NUP43: variants seen among roughly 807,000 people sequenced by gnomAD.
NUP43 encodes the protein nucleoporin Nup43.
Under a neutral mutation model 47.3 loss-of-function variants are expected in NUP43, and 32 were observed. That is an observed-to-expected ratio of 0.68 (90% CI 0.51 to 0.91). The LOEUF (loss-of-function observed/expected upper bound fraction) is 0.91. Ranked by LOEUF, NUP43 falls within the 40% of genes least tolerant of loss-of-function variation. The probability of loss-of-function intolerance (pLI) is 0.00; values close to 1 mark genes in which losing one functional copy is unlikely to be tolerated. For missense variants in NUP43, 444 were observed against 453.9 expected (o/e 0.98, Z 0.20); for synonymous variants, 147 against 158.4 (o/e 0.93, Z 0.54).
intron 4 of NUP43, among the ~76,000 whole-genome samples, chr6:149,740,822 A>C (rs9688880): frequency 6.6e-6 from 1 of 151,856 alleles, no homozygotes; most frequent in African/African-American, 2.4e-5. Flanking sequence ...TGCATTACAG[A>C]CTCTTTGCAA....
chr6:149,729,275 A>T (rs544429889), intron 7 of NUP43, among the ~76,000 whole-genome samples: 14 of 152,262 alleles, frequency 9.2e-5, no homozygotes, highest in Admixed American at 7.9e-4. Flanking sequence ...TACAGGTGTG[A>T]GCCACCGCGC....
At chr6:149,730,941 C>CA (rs149014510) in intron 7 of NUP43, among the ~76,000 whole-genome samples, 56,400 of 144,632 alleles carry the variant, frequency 0.39, 11,489 homozygotes, top group East Asian at 0.81. Flanking sequence ...CTGTCTCAAA[C>CA]AAAAAAAAAA....
At chr6:149,736,160 C>T (rs1192015747) in intron 6 of NUP43, among the ~76,000 whole-genome samples, 1 of 151,502 alleles carries the variant, frequency 6.6e-6, no homozygotes, top group African/African-American at 2.4e-5. Context: ...GCCTGTAATC[C>T]CAGCTACTCG....
rs962936781 is a variant in NUP43 at position 149,728,466 on chromosome 6, C to T, written c.914-1268G>A. On this transcript the variant is annotated intron_variant, in intron 7 of 7. Transcript: ENST00000340413. ...ATGCATGCTCCACACATGCTCTCCG[C>T]TCCAGAATTTTTCTGAAGAAGTTTT... 4.1e-6 allele frequency: 4 copies of T among 984,890 alleles called. No homozygotes were observed. The African/African-American group carries it at 7.0e-5, about 17-fold the overall frequency. The allele number at this position is 984,890 out of a possible 1,614,324, so 61.0% of individuals were successfully genotyped here. A position where few individuals can be genotyped will look rare whatever the true frequency, so the allele number is the denominator to read the frequency against.
At chr6:149,734,979 CATTT>C (rs1193041638) in intron 6 of NUP43, among the ~76,000 whole-genome samples, 1 of 151,818 alleles carries the variant, frequency 6.6e-6, no homozygotes, top group Non-Finnish European at 1.5e-5. Flanking sequence ...AGGAGCACAA[CATTT>C]ATTAACAAAT....
At chr6:149,730,288 C>G (rs960932655) in intron 7 of NUP43, among the ~76,000 whole-genome samples, 8 of 152,204 alleles carry the variant, frequency 5.3e-5, no homozygotes, top group African/African-American at 1.7e-4. Context: ...GGATTACAGG[C>G]ATGAGCCACC....
Position 149,746,242 on chromosome 6 carries a change from G to C in NUP43, c.120+134C>G, listed in dbSNP as rs79700776. ...CGGCTCTGAGCTACGGAGCAACCGC[G>C]CCTGAGACAGGGGTCCGGGGGACCT... On this transcript the variant is annotated intron_variant, in intron 1 of 7. Coordinates refer to ENST00000340413, the MANE Select transcript of NUP43 (RefSeq NM_198887.3). The C allele has an allele frequency of 2.2e-3, 3,058 of 1,398,808 alleles. 102 individuals carry two copies. The East Asian group carries it at 0.062, about 28-fold the overall frequency. 86.6% of individuals were successfully genotyped at this position (1,398,808 alleles called of 1,614,324 possible). A position where few individuals can be genotyped will look rare whatever the true frequency, so the allele number is the denominator to read the frequency against.
At position 149,724,984 on chromosome 6, in the gene NUP43, TTCTATC is replaced by T. The variant is rs1212523010; in HGVS notation, c.*1979_*1984del. The T allele has an allele frequency of 6.6e-6, 1 of 152,152 alleles. No homozygotes were observed. The highest frequency in any genetic ancestry group is 1.5e-5 in the Non-Finnish European group (1 of 68,028). 9.4% of individuals were successfully genotyped at this position (152,152 alleles called of 1,614,324 possible). On this transcript the variant is annotated 3_prime_UTR_variant, in exon 8 of 8. Transcript: ENST00000340413. ...GGCTGGAGATGATCACCAAGGTACTTTCTATCTCTAAGATCCTGCAACCCTTGAAAG... is the reference window on the plus strand; with the variant it reads ...GGCTGGAGATGATCACCAAGGTACTTTCTAAGATCCTGCAACCCTTGAAAG...
Position 149,724,471 on chromosome 6 carries a change from C to T in NUP43, c.*2498G>A, listed in dbSNP as rs1784721275. 6.6e-6 allele frequency: 1 copy of T among 152,152 alleles called. No homozygotes were observed. The highest frequency in any genetic ancestry group is 6.6e-5 in the Admixed American group (1 of 15,264). The allele number at this position is 152,152 out of a possible 1,614,324, so 9.4% of individuals were successfully genotyped here. A position where few individuals can be genotyped will look rare whatever the true frequency, so the allele number is the denominator to read the frequency against. Reference sequence around the variant, plus strand: ...CATACAATAGGACTGTACCCTTTTACAGGATTGAGTGTTTTGGATCCCACT... The same window carrying T: ...CATACAATAGGACTGTACCCTTTTATAGGATTGAGTGTTTTGGATCCCACT... On this transcript the variant is annotated 3_prime_UTR_variant, in exon 8 of 8. Transcript: ENST00000340413.
At position 149,746,287 on chromosome 6, in the gene NUP43, G is replaced by C. The variant is rs1785994887; in HGVS notation, c.120+89C>G. 3.2e-6 allele frequency: 5 copies of C among 1,549,266 alleles called. No individual in the cohort carries two copies. In the South Asian group the frequency reaches 6.0e-5, roughly 18 times the overall value. On this transcript the variant is annotated intron_variant, in intron 1 of 7. Coordinates refer to ENST00000340413, the MANE Select transcript of NUP43 (RefSeq NM_198887.3). Reference sequence around the variant, plus strand: ...GGACCTAAAAGTGCGAGAAGAACCAGAAGGTGGGAGTTGGCGCGCGGAAGG... The same window carrying C: ...GGACCTAAAAGTGCGAGAAGAACCACAAGGTGGGAGTTGGCGCGCGGAAGG...
At chr6:149,732,548 A>G (rs1392991350) in intron 6 of NUP43, among the ~76,000 whole-genome samples, 1 of 150,928 alleles carries the variant, frequency 6.6e-6, no homozygotes, top group East Asian at 1.9e-4. Context: ...ACTCTGTCTC[A>G]AGGAAAAAAA....
chr6:149,744,103 G>A lies in NUP43; in HGVS notation c.244-388C>T, dbSNP rs185305563. On this transcript the variant is annotated intron_variant, in intron 2 of 7. Transcript: ENST00000340413. ...AGCCTGCGCAAGATGGCGAGGCCTC[G>A]TCTCTACAAAAATACAAAAATGAGT... 8.9e-4 allele frequency among the ~76,000 whole-genome samples: 135 copies of A among 152,044 alleles called. 1 individual carries two copies. Among genetic ancestry groups the A allele is most frequent in the African/African-American group, 3.1e-3 (128 of 41,486 alleles).
intron 5 of NUP43, among the ~76,000 whole-genome samples, chr6:149,737,542 G>A (rs1785429259): frequency 6.6e-6 from 1 of 152,132 alleles, no homozygotes; most frequent in South Asian, 2.1e-4. Context: ...GGGATTACAG[G>A]CATGAGTCAC....
chr6:149,748,453 A>G (rs1562389411), upstream of NUP43, among the ~76,000 whole-genome samples: 1 of 152,216 alleles, frequency 6.6e-6, no homozygotes, highest in Non-Finnish European at 1.5e-5. Flanking sequence ...ATCGGATAAG[A>G]ACTAGAATTT....
At chr6:149,738,908 A>G in intron 4 of NUP43, 130 bp from the exon 5 acceptor site, 1 of 481,702 alleles carries the variant, frequency 2.1e-6, no homozygotes, top group East Asian at 3.4e-5. Flanking sequence ...ATTTCTATAG[A>G]AAAATGCATG....
At chr6:149,740,683 T>C (rs1266578231) in intron 4 of NUP43, among the ~76,000 whole-genome samples, 1 of 152,080 alleles carries the variant, frequency 6.6e-6, no homozygotes, top group Non-Finnish European at 1.5e-5. Flanking sequence ...GCTCAATTCC[T>C]AGAGATTCTG....
intron 7 of NUP43, chr6:149,728,510 G>A (rs554099295): frequency 2.2e-6 from 2 of 912,340 alleles, no homozygotes; most frequent in South Asian, 5.0e-5. Flanking sequence ...TTTCCCCTTA[G>A]TTTTTCTGTT....
At chr6:149,735,795 C>G (rs1461195805) in intron 6 of NUP43, among the ~76,000 whole-genome samples, 3 of 133,542 alleles carry the variant, frequency 2.2e-5, no homozygotes, top group African/African-American at 8.3e-5. Context: ...CCCATATCTA[C>G]AAAAAAAAAA....
chr6:149,747,450 A>ATTT (rs774011395), upstream of NUP43, among the ~76,000 whole-genome samples: 1 of 136,468 alleles, frequency 7.3e-6, no homozygotes. Flanking sequence ...TGCCTGGCTA[A>ATTT]TTTTTTTTTT....
Sources: allele counts gnomAD v4.1 joint callset (sites outside exome capture counted in the v4.1 genomes callset), GRCh38; gene constraint gnomAD v4.1.1; transcripts MANE v1.5; gene names NCBI Gene and HGNC (gene_info 2026-07-23, HGNC 2026-07-21).